GAS2: variants seen among roughly 807,000 people sequenced by gnomAD.
GAS2 encodes growth arrest-specific protein 2.
GAS2 carries 20 observed loss-of-function variants against 37.5 expected under a neutral mutation model. The observed-to-expected ratio is 0.53, with a 90% confidence interval of 0.37 to 0.77. The LOEUF (loss-of-function observed/expected upper bound fraction) is 0.77, where lower values mean the gene tolerates loss of function less well. GAS2 is among the 30% of genes least tolerant of loss of function. GAS2 has a pLI of 0.00. For synonymous variants in GAS2, 144 were observed against 132.2 expected (o/e 1.09, Z -0.61); for missense variants, 336 against 373.4 (o/e 0.90, Z 0.82).
At chr11:22,652,157 C>G (rs1261336718) in intron 1 of GAS2, among the ~76,000 whole-genome samples, 1 of 152,094 alleles carries the variant, frequency 6.6e-6, no homozygotes, top group Non-Finnish European at 1.5e-5. Context: ...CTCAGATAGA[C>G]AGGTCTGTTG....
At chr11:22,694,681 G>A (rs7102061) in intron 3 of GAS2, among the ~76,000 whole-genome samples, 96,696 of 152,016 alleles carry the variant, frequency 0.64, 34,338 homozygotes, top group Non-Finnish European at 0.8. Flanking sequence ...CTTTGTGTTA[G>A]CAAATCTAGC....
At chr11:22,721,239 A>G (rs1851933076) in intron 3 of GAS2, among the ~76,000 whole-genome samples, 1 of 152,148 alleles carries the variant, frequency 6.6e-6, no homozygotes, top group South Asian at 2.1e-4. Context: ...AGAAAACAGT[A>G]AGTCAGTACC....
At chr11:22,679,611 C>A (rs424500) in intron 2 of GAS2, among the ~76,000 whole-genome samples, 108 of 151,856 alleles carry the variant, frequency 7.1e-4, no homozygotes, top group African/African-American at 2.5e-3. Context: ...CTAAAATAAG[C>A]GTTCTCAAAT....
chr11:22,747,846 G>T (rs1489347531), intron 5 of GAS2, among the ~76,000 whole-genome samples: 6 of 152,008 alleles, frequency 3.9e-5, no homozygotes, highest in South Asian at 2.1e-4. Flanking sequence ...AAGCAGAAAA[G>T]CCAGGAATAA....
intron 7 of GAS2, among the ~76,000 whole-genome samples, chr11:22,795,975 A>G (rs1856411115): frequency 6.6e-6 from 1 of 152,082 alleles, no homozygotes; most frequent in Non-Finnish European, 1.5e-5. Flanking sequence ...TACTGTGAAA[A>G]TTTTCATACA....
intron 6 of GAS2, among the ~76,000 whole-genome samples, chr11:22,754,616 T>C (rs2134322757): frequency 6.6e-6 from 1 of 152,232 alleles, no homozygotes; most frequent in South Asian, 2.1e-4. Context: ...TCCTTTTTTT[T>C]TGGTTATTCT....
At chr11:22,679,449 A>G (rs1255971392) in intron 2 of GAS2, among the ~76,000 whole-genome samples, 4 of 152,100 alleles carry the variant, frequency 2.6e-5, no homozygotes, top group Non-Finnish European at 5.9e-5. Context: ...GGAAATTTTT[A>G]ATTGTCATTA....
chr11:22,792,593 G>C (rs1856220111), intron 7 of GAS2, among the ~76,000 whole-genome samples: 1 of 152,182 alleles, frequency 6.6e-6, no homozygotes, highest in Non-Finnish European at 1.5e-5. Flanking sequence ...CTAAAAACTG[G>C]CTGAATTTCA....
At chr11:22,794,542 C>T (rs1182853272) in intron 7 of GAS2, among the ~76,000 whole-genome samples, 1 of 152,142 alleles carries the variant, frequency 6.6e-6, no homozygotes, top group African/African-American at 2.4e-5. Flanking sequence ...ACACATATTA[C>T]ACTTCCTTTC....
At chr11:22,732,244 A>G (rs1171291549) in intron 4 of GAS2, among the ~76,000 whole-genome samples, 1 of 151,706 alleles carries the variant, frequency 6.6e-6, no homozygotes, top group Non-Finnish European at 1.5e-5. Context: ...TAGTGGCTTA[A>G]TCCATTATTT....
chr11:22,690,878 CA>C (rs1375882664), intron 3 of GAS2, among the ~76,000 whole-genome samples: 1 of 152,134 alleles, frequency 6.6e-6, no homozygotes, highest in Non-Finnish European at 1.5e-5. Flanking sequence ...CTCTTTCCCC[CA>C]CCCCCACCAA....
chr11:22,749,713 G>C (rs1236443189), intron 6 of GAS2, among the ~76,000 whole-genome samples: 1 of 152,016 alleles, frequency 6.6e-6, no homozygotes, highest in African/African-American at 2.4e-5. Flanking sequence ...GTTCCCTCTT[G>C]AGAAATGGAA....
chr11:22,653,800 A>C (rs1007278414), intron 1 of GAS2, among the ~76,000 whole-genome samples: 11 of 152,190 alleles, frequency 7.2e-5, no homozygotes, highest in African/African-American at 2.4e-4. Context: ...TGGACTCGTG[A>C]CTGATTTGAT....
intron 7 of GAS2, among the ~76,000 whole-genome samples, chr11:22,806,997 A>C (rs1388079831): frequency 2.0e-5 from 3 of 152,190 alleles, no homozygotes; most frequent in Admixed American, 2.0e-4. Context: ...AAGTACATGA[A>C]TCATGGATGC....
chr11:22,705,547 C>A (rs1377384941), intron 3 of GAS2, among the ~76,000 whole-genome samples: 1 of 152,138 alleles, frequency 6.6e-6, no homozygotes, highest in Non-Finnish European at 1.5e-5. Flanking sequence ...TAGTTAGGTA[C>A]ATAAAATATG....
intron 7 of GAS2, among the ~76,000 whole-genome samples, chr11:22,789,299 TATATACACACACACAC>T (rs1564889631): frequency 1.0e-5 from 1 of 99,670 alleles, no homozygotes; most frequent in African/African-American, 4.7e-5. Flanking sequence ...TATATATATA[TATATACACACACACAC>T]ACACACACAC....
intron 7 of GAS2, among the ~76,000 whole-genome samples, chr11:22,777,373 C>T (rs749800796): frequency 6.6e-6 from 1 of 152,074 alleles, no homozygotes; most frequent in African/African-American, 2.4e-5. Flanking sequence ...GTTAATTACA[C>T]AAATAAAATA....
Position 22,700,869 on chromosome 11 carries a change from T to C in GAS2, c.267+15080T>C, listed in dbSNP as rs548952599. 2.6e-5 allele frequency among the ~76,000 whole-genome samples: 4 copies of C among 152,318 alleles called. No homozygotes were observed. In the East Asian group the frequency reaches 5.8e-4, roughly 22 times the overall value. On this transcript the variant is annotated intron_variant, in intron 3 of 7. Transcript: ENST00000454584. ...TTTTAGGTAACAGGTTCTCAAAAGA[T>C]GTTTTTGACCTGAAACGAAGTGCTG...
chr11:22,647,931 G>C (rs954520277), intron 1 of GAS2, among the ~76,000 whole-genome samples: 1 of 152,146 alleles, frequency 6.6e-6, no homozygotes, highest in African/African-American at 2.4e-5. Flanking sequence ...AGTTTAATTA[G>C]ATCCCATTTG....
Sources: allele counts gnomAD v4.1 joint callset (sites outside exome capture counted in the v4.1 genomes callset), GRCh38; gene constraint gnomAD v4.1.1; transcripts MANE v1.5; gene names NCBI Gene and HGNC (gene_info 2026-07-23, HGNC 2026-07-21).